Variants in FREY1 observed in about 807,000 individuals in gnomAD.
FREY1 encodes protein Frey 1.
chr11:45,907,225 C>T, the FREY1 span: 1 of 1,553,556 alleles, frequency 6.4e-7, no homozygotes, highest in Non-Finnish European at 8.7e-7. Flanking sequence ...GGTGCAGAGC[C>T]CCCAGCATGG....
At chr11:45,907,172 A>G in the FREY1 span, 1 of 1,557,388 alleles carries the variant, frequency 6.4e-7, no homozygotes, top group Non-Finnish European at 8.7e-7. Context: ...AAGCAGTGCC[A>G]CTGCCAGGAT....
At chr11:45,907,124 CCT>C in the FREY1 span, 1 of 1,553,606 alleles carries the variant, frequency 6.4e-7, no homozygotes, top group East Asian at 2.4e-5. Context: ...AGTGCCCTGC[CCT>C]CTGTGCCCCA....
chr11:45,907,160 C>T, the FREY1 span: 82 of 1,556,732 alleles, frequency 5.3e-5, no homozygotes, highest in Non-Finnish European at 6.5e-5. Flanking sequence ...AGGCTGGGAG[C>T]GAAGCAGTGC....
the FREY1 span, chr11:45,907,125 C>T: frequency 5.8e-6 from 9 of 1,554,016 alleles, no homozygotes; most frequent in Non-Finnish European, 7.8e-6. Context: ...GTGCCCTGCC[C>T]TCTGTGCCCC....
chr11:45,906,846 G>A, the FREY1 span: 5 of 1,613,370 alleles, frequency 3.1e-6, no homozygotes, highest in African/African-American at 4.0e-5. Context: ...ATGGGTAGGG[G>A]AAGGGGACAA....
the FREY1 span, chr11:45,906,549 A>G: frequency 6.6e-7 from 1 of 1,513,688 alleles, no homozygotes; most frequent in South Asian, 1.3e-5. Flanking sequence ...CACACATGGT[A>G]TCTTTATGAG....
the FREY1 span, chr11:45,907,230 G>T: frequency 1.3e-6 from 2 of 1,552,524 alleles, no homozygotes; most frequent in Non-Finnish European, 1.7e-6. Flanking sequence ...AGAGCCCCCA[G>T]CATGGCGAGA....
the FREY1 span, chr11:45,906,995 C>T: frequency 2.5e-6 from 4 of 1,599,328 alleles, no homozygotes; most frequent in South Asian, 1.1e-5. Flanking sequence ...ACCGCCACCT[C>T]CTTGTGAATG....
At chr11:45,907,012 T>C in the FREY1 span, 5 of 1,579,660 alleles carry the variant, frequency 3.2e-6, no homozygotes, top group African/African-American at 1.3e-5. Context: ...AATGGGGGGA[T>C]GGCTCAGTGT....
At chr11:45,907,258 T>G in the FREY1 span, 2 of 1,530,794 alleles carry the variant, frequency 1.3e-6, no homozygotes, top group South Asian at 1.2e-5. Context: ...CCTACACGGG[T>G]CCTGGCTCCT....
At chr11:45,906,784 C>T in the FREY1 span, 1 of 1,604,382 alleles carries the variant, frequency 6.2e-7, no homozygotes, top group Admixed American at 1.7e-5. Flanking sequence ...GGATGACAAG[C>T]CCCTGAAGGC....
At chr11:45,907,051 C>G in the FREY1 span, 1 of 1,533,028 alleles carries the variant, frequency 6.5e-7, no homozygotes, top group South Asian at 1.1e-5. Flanking sequence ...CTCGAACGCC[C>G]AGGGTACCAG....
chr11:45,906,678 A>C, the FREY1 span: 1 of 1,584,276 alleles, frequency 6.3e-7, no homozygotes, highest in African/African-American at 1.4e-5. Context: ...GTGCTTGGGG[A>C]GGATGCCATA....
At chr11:45,906,663 CT>C in the FREY1 span, 3 of 1,589,874 alleles carry the variant, frequency 1.9e-6, no homozygotes, top group Non-Finnish European at 2.6e-6. Flanking sequence ...CCCTCGCGGC[CT>C]TGGGTGCTTG....
the FREY1 span, chr11:45,906,831 C>T: frequency 1.2e-6 from 2 of 1,612,632 alleles, no homozygotes; most frequent in Non-Finnish European, 1.7e-6. Flanking sequence ...TCTCCACTGT[C>T]AGGGATGGGT....
the FREY1 span, chr11:45,906,713 G>A: frequency 7.0e-6 from 11 of 1,575,104 alleles, no homozygotes; most frequent in Non-Finnish European, 9.5e-6. Flanking sequence ...AAGAGGGCAT[G>A]GGTGGTAGGG....
At chr11:45,906,722 G>C in the FREY1 span, 1 of 1,575,154 alleles carries the variant, frequency 6.3e-7, no homozygotes, top group East Asian at 2.3e-5. Flanking sequence ...TGGGTGGTAG[G>C]GGGCAGCTGG....
chr11:45,906,862 A>G, the FREY1 span: 2 of 1,613,744 alleles, frequency 1.2e-6, no homozygotes, highest in Non-Finnish European at 1.7e-6. Context: ...GACAAGAGAG[A>G]TACTACCATC....
chr11:45,906,894 CGA>C, the FREY1 span: 1 of 1,613,788 alleles, frequency 6.2e-7, no homozygotes, highest in Non-Finnish European at 8.5e-7. Context: ...AAAGTGGCTG[CGA>C]GAGTTCCAGG....
Sources: gnomAD v4.1 joint callset for allele counts on GRCh38, gnomAD v4.1.1 for gene constraint, MANE v1.5 for transcripts, NCBI Gene and HGNC (gene_info 2026-07-23, HGNC 2026-07-21) for gene names.